BANP: variants seen among roughly 807,000 people sequenced by gnomAD.
BANP encodes protein BANP.
A neutral mutation model predicts 68.1 loss-of-function variants in BANP; 11 were observed. That is an observed-to-expected ratio of 0.16 (90% CI 0.10 to 0.27). The LOEUF is 0.27. BANP is among the 10% of genes least tolerant of loss of function. The pLI is 1.00. For missense variants in BANP, 504 were observed against 722.7 expected, an observed-to-expected ratio of 0.70 and a Z score of 3.47; for synonymous variants, 329 against 303.2, an observed-to-expected ratio of 1.09 and a Z score of -0.88.
chr16:87,959,172 G>A (rs980702366), intron 1 of BANP, among the ~76,000 whole-genome samples: 10 of 152,250 alleles, frequency 6.6e-5, no homozygotes, highest in African/African-American at 1.2e-4. Context: ...GGGATGTCTC[G>A]TGCCACTGTG....
chr16:88,021,879 G>C (rs2076100312), intron 7 of BANP, among the ~76,000 whole-genome samples: 1 of 152,156 alleles, frequency 6.6e-6, no homozygotes, highest in Non-Finnish European at 1.5e-5. Context: ...CTCCTTATTT[G>C]TCAGCAGAAA....
chr16:88,019,762 G>A (rs1403695085), intron 7 of BANP, among the ~76,000 whole-genome samples: 6 of 151,848 alleles, frequency 4.0e-5, no homozygotes, highest in East Asian at 1.9e-4. Flanking sequence ...CAGCAGGAAA[G>A]AGCCTTGCTC....
At chr16:87,978,241 A>G (rs1278518451) in intron 2 of BANP, among the ~76,000 whole-genome samples, 1 of 152,230 alleles carries the variant, frequency 6.6e-6, no homozygotes, top group Admixed American at 6.5e-5. Flanking sequence ...GCAAAGTACA[A>G]AGAAGAAAAT....
chr16:88,070,549 A>T (rs1455441584), intron 12 of BANP, among the ~76,000 whole-genome samples: 1 of 152,094 alleles, frequency 6.6e-6, no homozygotes, highest in African/African-American at 2.4e-5. Flanking sequence ...GTGTGCTCGC[A>T]AGTCGTGGCT....
At position 87,984,285 on chromosome 16, in the gene BANP, C is replaced by T. The variant is rs774099586; in HGVS notation, c.362+26C>T. On this transcript the variant is annotated intron_variant, in intron 4 of 13. Transcript: ENST00000682872. ...GTAAGAACAGACCAGGGTGCCGGGG[C>T]CTTCAGGTCACTTGGGGAGAAGCGC... 6.5e-6 allele frequency: 10 copies of T among 1,543,832 alleles called. No individual in the cohort carries two copies. The South Asian group carries it at 1.2e-4, about 18-fold the overall frequency.
chr16:88,047,317 G>T (rs976444254), intron 11 of BANP, among the ~76,000 whole-genome samples: 3 of 152,192 alleles, frequency 2.0e-5, no homozygotes, highest in African/African-American at 7.2e-5. Flanking sequence ...CAGTTCCTTG[G>T]CGAAAACTGC....
intron 11 of BANP, among the ~76,000 whole-genome samples, chr16:88,063,414 C>T (rs2087482263): frequency 6.6e-6 from 1 of 152,188 alleles, no homozygotes; most frequent in African/African-American, 2.4e-5. Flanking sequence ...AATAGGAATT[C>T]AGTGTTTCAT....
intron 1 of BANP, among the ~76,000 whole-genome samples, chr16:87,954,982 G>A (rs1304999388): frequency 6.6e-6 from 1 of 152,236 alleles, no homozygotes; most frequent in Admixed American, 6.5e-5. Flanking sequence ...GAATTGCAGC[G>A]TGGGCTGGTG....
chr16:88,029,559 C>A (rs12448519), intron 8 of BANP, among the ~76,000 whole-genome samples: 1 of 148,466 alleles, frequency 6.7e-6, no homozygotes, highest in Non-Finnish European at 1.5e-5. Context: ...TGCAGTGAGC[C>A]GAGATCACAC....
At chr16:88,072,568 C>T (rs915067606) in intron 13 of BANP, among the ~76,000 whole-genome samples, 9 of 152,262 alleles carry the variant, frequency 5.9e-5, no homozygotes, top group East Asian at 1.9e-4. Context: ...CTGCCCCACT[C>T]GTTGAAGGTC....
At chr16:88,050,953 C>T (rs2083123328) in intron 11 of BANP, among the ~76,000 whole-genome samples, 1 of 152,242 alleles carries the variant, frequency 6.6e-6, no homozygotes, top group South Asian at 2.1e-4. Flanking sequence ...TCCCAAAGTG[C>T]TAGGATTATG....
chr16:88,029,138 C>G (rs900403518), intron 8 of BANP, among the ~76,000 whole-genome samples: 17 of 151,892 alleles, frequency 1.1e-4, no homozygotes, highest in African/African-American at 3.9e-4. Flanking sequence ...GAAACCCCGT[C>G]TCTACTAAAA....
At chr16:88,015,074 CGTCTCCTCTGCCT>C (rs2074173872) in intron 6 of BANP, among the ~76,000 whole-genome samples, 1 of 142,274 alleles carries the variant, frequency 7.0e-6, no homozygotes, top group African/African-American at 2.7e-5. Flanking sequence ...GCCCTCTGCT[CGTCTCCTCTGCCT>C]GTCCCCTCTG....
chr16:87,972,090 G>T (rs1054080188), intron 1 of BANP, among the ~76,000 whole-genome samples: 9 of 152,160 alleles, frequency 5.9e-5, no homozygotes, highest in Non-Finnish European at 1.0e-4. Context: ...ACTGTGCCTG[G>T]CCAGTTTTCA....
chr16:88,061,157 C>A (rs923014844), intron 11 of BANP, among the ~76,000 whole-genome samples: 1 of 152,192 alleles, frequency 6.6e-6, no homozygotes, highest in African/African-American at 2.4e-5. Context: ...AACGCTGGAG[C>A]CAGCCGCAGA....
chr16:87,993,683 C>G (rs1490847273), intron 4 of BANP, among the ~76,000 whole-genome samples: 1 of 152,002 alleles, frequency 6.6e-6, no homozygotes, highest in African/African-American at 2.4e-5. Context: ...CTGTAACCTC[C>G]GCCTCCTGGG....
At chr16:87,955,142 G>A (rs2144570524) in intron 1 of BANP, among the ~76,000 whole-genome samples, 1 of 152,350 alleles carries the variant, frequency 6.6e-6, no homozygotes. Context: ...AGGGCCTGCA[G>A]TGAAGCAGTG....
rs543410643 is a variant in BANP, at chr16:88,065,275, G to A, written c.1320G>A (p.Glu440=). 3.0e-5 allele frequency: 23 copies of A among 764,344 alleles called. No individual in the cohort carries two copies. The African/African-American group carries it at 3.5e-4, about 12-fold the overall frequency. 47.3% of individuals were successfully genotyped at this position (764,344 alleles called of 1,614,324 possible). A position where few individuals can be genotyped will look rare whatever the true frequency, so the allele number is the denominator to read the frequency against. ...HHVGQDGQLL[E]ATRIPCLLAP... ...TTTCTTGCCTTTTCCAGCTTCTAGAGGCCACCCGCATCCCCTGCCTCCTGG... is the reference window on the plus strand; with the variant it reads ...TTTCTTGCCTTTTCCAGCTTCTAGAAGCCACCCGCATCCCCTGCCTCCTGG... The change falls in exon 12 of 14, where the codon GAG becomes GAA. Residue 440 remains glutamate, a synonymous_variant. Transcript: ENST00000682872.
chr16:87,982,521 G>T (rs1044581515), intron 3 of BANP: 1 of 152,238 alleles, frequency 6.6e-6, no homozygotes, highest in Non-Finnish European at 1.5e-5. Flanking sequence ...TCACGACGAT[G>T]CATGTTTGTC....
Sources: gnomAD v4.1 joint callset for allele counts (sites outside exome capture counted in the v4.1 genomes callset) on GRCh38, gnomAD v4.1.1 for gene constraint, MANE v1.5 for transcripts, NCBI Gene and HGNC (gene_info 2026-07-23, HGNC 2026-07-21) for gene names.